Variants in PIGK observed in about 807,000 individuals in gnomAD.
PIGK encodes the protein GPI-anchor transamidase.
In PIGK, 42 loss-of-function variants were observed where a neutral mutation model predicts 50.6. The ratio of observed to expected loss-of-function variants is 0.83; its 90% confidence interval spans 0.65 to 1.07. The LOEUF is 1.07. PIGK is among the 50% of genes least tolerant of loss of function. PIGK has a pLI of 0.00. For synonymous variants in PIGK, 151 were observed against 156.0 expected, an observed-to-expected ratio of 0.97 and a Z score of 0.24; for missense variants, 448 against 488.7, an observed-to-expected ratio of 0.92 and a Z score of 0.78.
At position 77,156,746 on chromosome 1, in the gene PIGK, T is replaced by A. The variant is rs111925203; in HGVS notation, c.814-2125A>T. 2.7e-3 allele frequency among the ~76,000 whole-genome samples: 408 copies of A among 152,322 alleles called. 1 individual carries two copies. Among genetic ancestry groups the A allele is most frequent in the African/African-American group, 9.4e-3 (391 of 41,586 alleles). On this transcript the variant is annotated intron_variant, in intron 8 of 10. Transcript: ENST00000370812. ...AAGAAAAAGTTATGACTAATCTCAC[T>A]ATATTTAAAGGAACCATATAAATTG...
intron 9 of PIGK, among the ~76,000 whole-genome samples, chr1:77,146,795 TAA>T (rs967485709): frequency 7.0e-6 from 1 of 142,140 alleles, no homozygotes. Flanking sequence ...AGACTCTGTC[TAA>T]AAAAAAAAAA....
intron 3 of PIGK, among the ~76,000 whole-genome samples, chr1:77,189,694 CATATATATATATATATATATATATAT>C (rs71075728): frequency 0.033 from 2,359 of 71,020 alleles, 102 homozygotes; most frequent in African/African-American, 0.095. Context: ...ACAATAAACT[CATATATATATATATATATATATATAT>C]ATATATATAT....
chr1:77,210,537 T>C, intron 1 of PIGK, 48 bp from the exon 2 acceptor site: 1 of 1,154,598 alleles, frequency 8.7e-7, no homozygotes, highest in Non-Finnish European at 1.3e-6. Flanking sequence ...TTTCTCAGAA[T>C]AAAGACTGAT....
intron 10 of PIGK, among the ~76,000 whole-genome samples, chr1:77,099,973 G>A (rs1468365611): frequency 7.0e-6 from 1 of 143,810 alleles, no homozygotes; most frequent in African/African-American, 2.8e-5. Flanking sequence ...TTATTGAAAT[G>A]CCTTAATATT....
At chr1:77,161,061 A>G (rs927840323) in intron 8 of PIGK, among the ~76,000 whole-genome samples, 6 of 152,224 alleles carry the variant, frequency 3.9e-5, no homozygotes, top group African/African-American at 7.2e-5. Flanking sequence ...GAATCTAAAA[A>G]AAGTACATTT....
intron 3 of PIGK, among the ~76,000 whole-genome samples, chr1:77,176,130 ATTC>A (rs1655485208): frequency 6.6e-6 from 1 of 152,160 alleles, no homozygotes; most frequent in Non-Finnish European, 1.5e-5. Context: ...CTTTTTAGAA[ATTC>A]TTCATCATTT....
chr1:77,130,205 T>TTG (rs11453801), intron 9 of PIGK, among the ~76,000 whole-genome samples: 2 of 143,314 alleles, frequency 1.4e-5, no homozygotes, highest in Non-Finnish European at 3.0e-5. Context: ...TTTTTTTTTT[T>TTG]GCTATATATG....
At chr1:77,216,946 T>C (rs1447216247) in intron 1 of PIGK, among the ~76,000 whole-genome samples, 1 of 152,188 alleles carries the variant, frequency 6.6e-6, no homozygotes. Context: ...AAGTTATTCA[T>C]TCTACATACA....
chr1:77,187,982 TG>T (rs1655790004), intron 3 of PIGK, among the ~76,000 whole-genome samples: 2 of 152,246 alleles, frequency 1.3e-5, no homozygotes, highest in Admixed American at 1.3e-4. Flanking sequence ...AATACCCTTG[TG>T]ATTTCCTATG....
chr1:77,115,412 G>A (rs899190202), intron 10 of PIGK, among the ~76,000 whole-genome samples: 12 of 151,972 alleles, frequency 7.9e-5, no homozygotes, highest in South Asian at 6.2e-4. Flanking sequence ...TTCCACAGGC[G>A]GGGAGGAGTT....
chr1:77,146,442 G>A (rs1357169075), intron 9 of PIGK, among the ~76,000 whole-genome samples: 2 of 151,992 alleles, frequency 1.3e-5, no homozygotes, highest in African/African-American at 4.8e-5. Flanking sequence ...CAGGAGGATC[G>A]CCTGAGGCCA....
In PIGK at chr1:77,088,995, GTAAA is replaced by G. The variant is rs1317811945; in HGVS notation, c.*3375_*3378del. On this transcript the variant is annotated 3_prime_UTR_variant, in exon 11 of 11. Coordinates refer to ENST00000370812, the MANE Select transcript of PIGK (RefSeq NM_005482.3). ...ACACTGCCACCTTTCCATGTTTGGA[GTAAA>G]TAAATTTTTAATAACCAGTTTCTTG... 6 of 152,140 alleles carry G rather than the reference GTAAA, an allele frequency of 3.9e-5. No individual in the cohort carries two copies. Among genetic ancestry groups the G allele is most frequent in the Admixed American group, 1.3e-4 (2 of 15,274 alleles). 9.4% of individuals were successfully genotyped at this position (152,140 alleles called of 1,614,324 possible).
chr1:77,180,791 C>G (rs1216019753), intron 3 of PIGK, among the ~76,000 whole-genome samples: 9 of 152,034 alleles, frequency 5.9e-5, no homozygotes, highest in Admixed American at 5.9e-4. Context: ...TTAGCCTTTC[C>G]AAAGGAGGCA....
chr1:77,181,607 T>A (rs1456871462), intron 3 of PIGK, among the ~76,000 whole-genome samples: 1 of 152,152 alleles, frequency 6.6e-6, no homozygotes, highest in Admixed American at 6.6e-5. Context: ...CAGAAAAGCA[T>A]CATCCCAAGC....
intron 3 of PIGK, among the ~76,000 whole-genome samples, chr1:77,189,827 C>G (rs1655857335): frequency 6.7e-6 from 1 of 150,116 alleles, no homozygotes; most frequent in African/African-American, 2.5e-5. Context: ...AGTTCTGTCC[C>G]TCTAGAGAAC....
intron 10 of PIGK, among the ~76,000 whole-genome samples, chr1:77,117,295 G>GA (rs1654000891): frequency 1.3e-5 from 2 of 152,154 alleles, no homozygotes; most frequent in African/African-American, 4.8e-5. Flanking sequence ...GGATGAATAA[G>GA]AAAAATTATC....
At chr1:77,111,142 C>G (rs901468463) in intron 10 of PIGK, among the ~76,000 whole-genome samples, 2 of 152,186 alleles carry the variant, frequency 1.3e-5, no homozygotes, top group Non-Finnish European at 2.9e-5. Flanking sequence ...AATAGGAACA[C>G]TTTTACACTG....
intron 9 of PIGK, among the ~76,000 whole-genome samples, chr1:77,151,052 T>A (rs1347900741): frequency 6.6e-6 from 1 of 151,726 alleles, no homozygotes; most frequent in African/African-American, 2.4e-5. Flanking sequence ...ACATAAAAAA[T>A]CTAAAGGCCA....
chr1:77,142,980 T>C (rs12066099), intron 9 of PIGK, among the ~76,000 whole-genome samples: 3 of 152,300 alleles, frequency 2.0e-5, no homozygotes, highest in African/African-American at 4.8e-5. Flanking sequence ...ACTTCACTTG[T>C]AGAATATTTG....
Sources: allele counts gnomAD v4.1 joint callset (sites outside exome capture counted in the v4.1 genomes callset), GRCh38; gene constraint gnomAD v4.1.1; transcripts MANE v1.5; gene names NCBI Gene and HGNC (gene_info 2026-07-23, HGNC 2026-07-21).